Variants in OSBPL3 observed in about 807,000 individuals in gnomAD.
The protein encoded by OSBPL3 is oxysterol-binding protein-related protein 3.
In OSBPL3, 65 loss-of-function variants were observed where a neutral mutation model predicts 120.1. The observed-to-expected ratio is 0.54, with a 90% CI of 0.44 to 0.67. The LOEUF is 0.67. Among genes scored for constraint, OSBPL3 ranks in the 30% least tolerant of loss-of-function variants. The probability of loss-of-function intolerance (pLI) is 0.00; values close to 1 mark genes in which losing one functional copy is unlikely to be tolerated. For missense variants in OSBPL3, 1,004 were observed against 1,082.1 expected, an observed-to-expected ratio of 0.93 and a Z score of 1.01; for synonymous variants, 416 against 402.6, an observed-to-expected ratio of 1.03 and a Z score of -0.40.
intron 5 of OSBPL3, among the ~76,000 whole-genome samples, chr7:24,866,456 G>A (rs1469469263): frequency 6.6e-6 from 1 of 152,072 alleles, no homozygotes. Context: ...TGGGCAACCT[G>A]GTGAAACCCT....
rs1387507787 is a variant in OSBPL3 at position 24,968,593 on chromosome 7, C to T, written c.-150+11293G>A. Among the ~76,000 whole-genome samples, 1 of 152,176 alleles carries T rather than the reference C, an allele frequency of 6.6e-6. No individual in the cohort carries two copies. Among genetic ancestry groups the T allele is most frequent in the East Asian group, 1.9e-4 (1 of 5,196 alleles). ...TTTATTTTTAGTACAGACAGGGTTTCACCATGTTGGCCAGGCTAGTCTTGA... is the reference window on the plus strand; with the variant it reads ...TTTATTTTTAGTACAGACAGGGTTTTACCATGTTGGCCAGGCTAGTCTTGA... On this transcript the variant is annotated intron_variant, in intron 1 of 22. Transcript: ENST00000313367. The surrounding 1 kb of genome is among the most constrained non-coding windows in gnomAD (Gnocchi z 4.6).
In OSBPL3 at chr7:24,824,480, A is replaced by G. The variant is rs1361726522; in HGVS notation, c.1885-4242T>C. Among the ~76,000 whole-genome samples, 1 of 152,204 alleles carries G rather than the reference A, an allele frequency of 6.6e-6. No individual in the cohort carries two copies. Among genetic ancestry groups the G allele is most frequent in the Non-Finnish European group, 1.5e-5 (1 of 68,036 alleles). ...CCTGCAACTGCTCCAAGGCATAACT[A>G]TCCAGTCCTCCTAGGTCCTGATTTC... On this transcript the variant is annotated intron_variant, in intron 16 of 22. Transcript: ENST00000313367. This position sits in a 1 kb window ranked among gnomAD's most constrained non-coding sequence, Gnocchi z 4.9.
chr7:24,825,001 T>TG (rs753131581), intron 16 of OSBPL3, among the ~76,000 whole-genome samples: 35 of 151,466 alleles, frequency 2.3e-4, no homozygotes, highest in Non-Finnish European at 4.0e-4. Flanking sequence ...AATGAGGAGG[T>TG]GGGGTAAGTA....
chr7:24,981,825 G>C (rs1317300966), upstream of OSBPL3, among the ~76,000 whole-genome samples: 1 of 152,200 alleles, frequency 6.6e-6, no homozygotes, highest in Non-Finnish European at 1.5e-5. The surrounding 1 kb of genome is among the most constrained non-coding windows in gnomAD (Gnocchi z 7.3). Context: ...GTGGCTGGAC[G>C]GGTAGTGGAA....
chr7:24,851,732 G>GT lies in OSBPL3; in HGVS notation c.1158+771dup, dbSNP rs1554365224. On this transcript the variant is annotated intron_variant, in intron 11 of 22. Transcript: ENST00000313367. This position sits in a 1 kb window ranked among gnomAD's most constrained non-coding sequence, Gnocchi z 4.1. The stretch of plus-strand genomic sequence containing the variant: ...TCTCTAGCCTCCTGATAGATTCAGG[G>GT]TAAAAAAAAAAAAACGAGATAACTT... Among the ~76,000 whole-genome samples, 2 of 131,972 alleles carry GT rather than the reference G, an allele frequency of 1.5e-5. No individual in the cohort carries two copies. Among genetic ancestry groups the GT allele is most frequent in the African/African-American group, 5.3e-5 (2 of 37,662 alleles). The allele number at this position is 131,972 out of a possible 152,430, so 86.6% of individuals were successfully genotyped here.
At chr7:24,856,243 T>G (rs1584394715) in intron 10 of OSBPL3, among the ~76,000 whole-genome samples, 1 of 152,236 alleles carries the variant, frequency 6.6e-6, no homozygotes, top group Non-Finnish European at 1.5e-5. Flanking sequence ...ATAAGTTGCA[T>G]CTACAGAATG....
At chr7:24,876,974 T>C (rs1802942320) in intron 2 of OSBPL3, among the ~76,000 whole-genome samples, 1 of 152,216 alleles carries the variant, frequency 6.6e-6, no homozygotes, top group South Asian at 2.1e-4. Context: ...TCATGTTTAA[T>C]TCCTGCACAA....
At chr7:24,901,541 T>C (rs1363036973) in intron 1 of OSBPL3, among the ~76,000 whole-genome samples, 2 of 152,240 alleles carry the variant, frequency 1.3e-5, no homozygotes, top group Admixed American at 1.3e-4. Context: ...CCAAACATTA[T>C]AACTTTGAAC....
chr7:24,945,534 G>A (rs17150604), intron 1 of OSBPL3, among the ~76,000 whole-genome samples: 16,687 of 152,210 alleles, frequency 0.11, 976 homozygotes, highest in Middle Eastern at 0.18. Flanking sequence ...AAAACATCCT[G>A]CACGAAGGGC....
At chr7:24,934,228 TG>T (rs1255977873) in intron 1 of OSBPL3, among the ~76,000 whole-genome samples, 1 of 152,222 alleles carries the variant, frequency 6.6e-6, no homozygotes, top group Non-Finnish European at 1.5e-5. Context: ...CTGATCTTAT[TG>T]ACAAGTGTAA....
intron 12 of OSBPL3, among the ~76,000 whole-genome samples, chr7:24,843,217 A>T (rs542830763): frequency 3.9e-5 from 6 of 152,324 alleles, no homozygotes; most frequent in Admixed American, 1.3e-4. Context: ...GAACGCATCC[A>T]ACGCACATCA....
intron 1 of OSBPL3, among the ~76,000 whole-genome samples, chr7:24,957,414 A>G (rs1302430558): frequency 6.6e-6 from 1 of 152,186 alleles, no homozygotes. Flanking sequence ...CTAGGGATAG[A>G]GAGTATGAAA....
In OSBPL3 at chr7:24,849,101, C is replaced by T. The variant is rs746997753; in HGVS notation, c.1234G>A (p.Ala412Thr). 1.1e-5 allele frequency: 18 copies of T among 1,613,664 alleles called. No homozygotes were observed. The South Asian group carries it at 1.9e-4, about 17-fold the overall frequency. Residue 412 changes from alanine to threonine, a missense_variant, in exon 12 of 23, where the codon GCT (alanine) becomes ACT (threonine). Physicochemically the swap from Ala to Thr is moderately conservative, Grantham distance 58. This residue lies in a region of OSBPL3 where 272 missense variants were observed against 248.8 expected (regional missense o/e 1.09). Coordinates refer to ENST00000313367, the MANE Select transcript of OSBPL3 (RefSeq NM_015550.4). The surrounding 1 kb of genome is among the most constrained non-coding windows in gnomAD (Gnocchi z 5.4). Reference protein sequence around the residue: ...HAESLLLDSPAVAKSGDNLAE... With the variant: ...HAESLLLDSPTVAKSGDNLAE... ...AGATTGTCACCCGACTTGGCGACAG[C>T]GGGGGAGTCGAGGAGCAGAGACTCG...
In OSBPL3 at chr7:24,881,583, G is replaced by A. The variant is rs1454895332; in HGVS notation, c.97-9514C>T. ...GGAGATTCACACAAACCTGCTGCAGGAGTTCAGACAGGCATAATCTCCAAA... is the reference window on the plus strand; with the variant it reads ...GGAGATTCACACAAACCTGCTGCAGAAGTTCAGACAGGCATAATCTCCAAA... On this transcript the variant is annotated intron_variant, in intron 2 of 22. Coordinates refer to ENST00000313367, the MANE Select transcript of OSBPL3 (RefSeq NM_015550.4). The surrounding 1 kb of genome is among the most constrained non-coding windows in gnomAD (Gnocchi z 4.3). 1.3e-5 allele frequency among the ~76,000 whole-genome samples: 2 copies of A among 152,162 alleles called. No homozygotes were observed. Among genetic ancestry groups the A allele is most frequent in the East Asian group, 3.8e-4 (2 of 5,198 alleles).
chr7:24,969,690 C>T (rs1005541108), intron 1 of OSBPL3, among the ~76,000 whole-genome samples: 5 of 152,160 alleles, frequency 3.3e-5, no homozygotes, highest in Admixed American at 3.3e-4. Context: ...CTCAACCCTA[C>T]TCCCAACCCC....
chr7:24,845,717 C>T (rs1798371099), intron 12 of OSBPL3, among the ~76,000 whole-genome samples: 1 of 149,650 alleles, frequency 6.7e-6, no homozygotes, highest in South Asian at 2.1e-4. Flanking sequence ...CTATTGCAAC[C>T]CAATTTAGAA....
At chr7:24,931,526 G>A (rs145684801) in intron 1 of OSBPL3, among the ~76,000 whole-genome samples, 158 of 152,258 alleles carry the variant, frequency 1.0e-3, no homozygotes, top group African/African-American at 3.1e-3. Flanking sequence ...GAAGCCATGA[G>A]CCAAGGAATG....
chr7:24,884,681 C>A (rs149734561), intron 2 of OSBPL3, among the ~76,000 whole-genome samples: 1 of 152,166 alleles, frequency 6.6e-6, no homozygotes, highest in East Asian at 1.9e-4. Context: ...CTACTACAGG[C>A]GCTCTTCAAA....
chr7:24,839,767 T>C (rs943338834), intron 14 of OSBPL3, among the ~76,000 whole-genome samples: 2 of 151,894 alleles, frequency 1.3e-5, no homozygotes, highest in African/African-American at 4.8e-5. Flanking sequence ...GGCAGGTAGA[T>C]CACTTGACGT....
Sources: gnomAD v4.1 joint callset for allele counts (sites outside exome capture counted in the v4.1 genomes callset) on GRCh38, gnomAD v4.1.1 for gene constraint, gnomAD v4.1.1 regional missense constraint, Gnocchi (gnomAD v3.1) non-coding constraint, MANE v1.5 for transcripts, NCBI Gene and HGNC (gene_info 2026-07-23, HGNC 2026-07-21) for gene names.